Variants in STRN observed in about 807,000 individuals in gnomAD.
STRN encodes the protein striatin, also known as protein phosphatase 2 regulatory subunit B'''alpha.
STRN carries 53 observed loss-of-function variants against 96.3 expected under a neutral mutation model. That is an observed-to-expected ratio of 0.55 (90% confidence interval 0.44 to 0.69). The LOEUF (loss-of-function observed/expected upper bound fraction) is 0.69. STRN is among the 30% of genes least tolerant of loss of function. The pLI, the probability that STRN is intolerant of heterozygous loss-of-function variation, is 0.00. For missense variants in STRN, 987 were observed against 963.9 expected, an observed-to-expected ratio of 1.02 and a Z score of -0.32; for synonymous variants, 428 against 355.9, an observed-to-expected ratio of 1.20 and a Z score of -2.28.
In STRN at chr2:36,838,536, TTTC is replaced by T. The variant is rs1422547490; in HGVS notation, c.*10917_*10919del. Among the ~76,000 whole-genome samples, 1 of 152,224 alleles carries T rather than the reference TTTC, an allele frequency of 6.6e-6. No individual in the cohort carries two copies. The highest frequency in any genetic ancestry group is 1.5e-5 in the Non-Finnish European group (1 of 68,028). Reference sequence around the variant, plus strand: ...AAATCACTACATCCACCAGGATTTTTTTCTTTTTTCTACGTATTTTTTAATGTT... The same window carrying T: ...AAATCACTACATCCACCAGGATTTTTTTTTTTCTACGTATTTTTTAATGTT... On this transcript the variant is annotated 3_prime_UTR_variant, in exon 18 of 18. Coordinates refer to ENST00000263918, the MANE Select transcript of STRN (RefSeq NM_003162.4).
intron 12 of STRN, among the ~76,000 whole-genome samples, chr2:36,862,888 A>C (rs1668529019): frequency 6.6e-6 from 1 of 151,950 alleles, no homozygotes; most frequent in African/African-American, 2.4e-5. Flanking sequence ...GGCGCCCACC[A>C]CCACGCCCGT....
At chr2:36,897,292 G>A (rs1003451863) in intron 6 of STRN, among the ~76,000 whole-genome samples, 3 of 152,040 alleles carry the variant, frequency 2.0e-5, no homozygotes, top group African/African-American at 7.2e-5. Context: ...CTGCTACACA[G>A]AATTAGGTTG....
At chr2:36,889,407 A>G (rs1464027525) in intron 7 of STRN, among the ~76,000 whole-genome samples, 2 of 152,070 alleles carry the variant, frequency 1.3e-5, no homozygotes, top group African/African-American at 4.8e-5. Context: ...ACAATTAAAA[A>G]TGTTAATTTT....
intron 16 of STRN, among the ~76,000 whole-genome samples, chr2:36,850,362 T>C (rs1572619979): frequency 6.6e-6 from 1 of 152,304 alleles, no homozygotes; most frequent in African/African-American, 2.4e-5. Flanking sequence ...ATAGGGTGCT[T>C]TCCTCCCAGC....
intron 11 of STRN, 124 bp downstream of exon 11, chr2:36,869,430 A>G (rs777604719): frequency 6.0e-5 from 57 of 946,852 alleles, no homozygotes; most frequent in Non-Finnish European, 8.1e-5. Flanking sequence ...AATAAATTAC[A>G]TGACATGGAA....
chr2:36,912,880 TTCTGAC>T (rs1669998792), intron 3 of STRN, among the ~76,000 whole-genome samples: 1 of 152,230 alleles, frequency 6.6e-6, no homozygotes, highest in Non-Finnish European at 1.5e-5. Context: ...TGGGAGTCAC[TTCTGAC>T]TCATCCTTTT....
intron 10 of STRN, among the ~76,000 whole-genome samples, chr2:36,874,197 G>C (rs927240198): frequency 2.0e-5 from 3 of 151,602 alleles, no homozygotes; most frequent in East Asian, 1.9e-4. Flanking sequence ...TCGGTAGGCG[G>C]AGCTTGCAGT....
intron 9 of STRN, among the ~76,000 whole-genome samples, chr2:36,878,777 G>C (rs555419333): frequency 6.6e-6 from 1 of 151,736 alleles, no homozygotes; most frequent in East Asian, 1.9e-4. Flanking sequence ...TTCTGAGACA[G>C]AGTCTCGTTC....
chr2:36,939,769 G>A (rs1283423323), intron 1 of STRN, among the ~76,000 whole-genome samples: 2 of 152,066 alleles, frequency 1.3e-5, no homozygotes, highest in African/African-American at 2.4e-5. Flanking sequence ...AGCATTTGCT[G>A]AACAGAATAA....
chr2:36,883,962 G>A lies in STRN; in HGVS notation c.1156C>T (p.Pro386Ser). The change falls in exon 9 of 18, where the codon CCT (proline) becomes TCT (serine). Residue 386 changes from proline to serine, a missense_variant. Pro to Ser is a moderately conservative substitution (Grantham distance 74). Transcript: ENST00000263918. ...TCTGCCCTATTAATTTCATGTTCAGGAAGCCTGGAGCTGCTGGGTCTGGAA... is the reference window on the plus strand; with the variant it reads ...TCTGCCCTATTAATTTCATGTTCAGAAAGCCTGGAGCTGCTGGGTCTGGAA... ...SPSRPSSSRL[P>S]EHEINRADEV... The A allele has an allele frequency of 7.1e-7, 1 of 1,415,922 alleles. No individual in the cohort carries two copies. Among genetic ancestry groups the A allele is most frequent in the Non-Finnish European group, 9.3e-7 (1 of 1,079,964 alleles). The allele number at this position is 1,415,922 out of a possible 1,614,324, so 87.7% of individuals were successfully genotyped here.
chr2:36,893,976 G>C lies in STRN; in HGVS notation c.853C>G (p.Leu285Val). The change falls in exon 7 of 18, where the codon CTA becomes GTA. Residue 285 changes from leucine to valine, a missense_variant. Transcript: ENST00000263918. ...SGEDRDTKEA[L>V]KEFDFLVTSE... ...GTAACCAAGAAGTCAAACTCCTTTA[G>C]AGCTTCTTTTGTATCTCGATCTTCA... 4 of 1,613,348 alleles carry C rather than the reference G, an allele frequency of 2.5e-6. No homozygotes were observed. Among genetic ancestry groups the C allele is most frequent in the East Asian group, 2.2e-5 (1 of 44,788 alleles).
chr2:36,930,326 G>A (rs1206062809), intron 1 of STRN, among the ~76,000 whole-genome samples: 1 of 151,964 alleles, frequency 6.6e-6, no homozygotes, highest in African/African-American at 2.4e-5. Flanking sequence ...CAGCTACTCA[G>A]GAGGCTGAGA....
At chr2:36,856,140 G>C (rs2148130953) in intron 14 of STRN, among the ~76,000 whole-genome samples, 1 of 152,268 alleles carries the variant, frequency 6.6e-6, no homozygotes, top group East Asian at 1.9e-4. Flanking sequence ...CACCAGAATG[G>C]CTAAAGTTAA....
At chr2:36,878,168 G>C in intron 9 of STRN, 141 bp from the exon 10 acceptor site, 1 of 910,136 alleles carries the variant, frequency 1.1e-6, no homozygotes, top group Non-Finnish European at 1.6e-6. Context: ...AAAATTCAGT[G>C]AGCAGAAAAT....
intron 1 of STRN, among the ~76,000 whole-genome samples, chr2:36,926,127 C>T (rs1317500419): frequency 6.6e-6 from 1 of 152,148 alleles, no homozygotes; most frequent in African/African-American, 2.4e-5. Flanking sequence ...TCCTGCCCCC[C>T]ACCCCAAGGA....
At position 36,966,225 on chromosome 2, in the gene STRN, T is replaced by C. The variant is rs777992905; in HGVS notation, c.234+5A>G. The C allele has an allele frequency of 1.9e-6, 3 of 1,559,882 alleles. No homozygotes were observed. The East Asian group carries it at 7.7e-5, about 40-fold the overall frequency. On this transcript the variant is annotated splice_donor_5th_base_variant and intron_variant, in intron 1 of 17. Transcript: ENST00000263918. ...TGAAGACGGCCAGGCCGGGAGGGTC[T>C]TTACCTGCAGCTCCGCCCGCTCCAC...
intron 15 of STRN, among the ~76,000 whole-genome samples, chr2:36,853,034 G>C (rs1668258961): frequency 6.6e-6 from 1 of 152,214 alleles, no homozygotes; most frequent in Admixed American, 6.5e-5. Flanking sequence ...GCACACGCCT[G>C]TGGTCCCAGC....
At chr2:36,894,826 C>G (rs1370761627) in intron 6 of STRN, among the ~76,000 whole-genome samples, 2 of 152,122 alleles carry the variant, frequency 1.3e-5, no homozygotes. Flanking sequence ...AAGTAGACCC[C>G]AAAGATGACA....
rs139508179 is a variant in STRN, at chr2:36,878,516, T to C, written c.1187-489A>G. Among the ~76,000 whole-genome samples the C allele has an allele frequency of 1.7e-3, 262 of 152,256 alleles. 3 individuals carry two copies. Among genetic ancestry groups the C allele is most frequent in the African/African-American group, 5.9e-3 (247 of 41,552 alleles). On this transcript the variant is annotated intron_variant, in intron 9 of 17. Transcript: ENST00000263918. Reference sequence around the variant, plus strand: ...ATGTGACAAAATCTATATGTGGCGTTATAAGTCAGGATTACCTCTGCCGGC... The same window carrying C: ...ATGTGACAAAATCTATATGTGGCGTCATAAGTCAGGATTACCTCTGCCGGC...
Sources: gnomAD v4.1 joint callset for allele counts (sites outside exome capture counted in the v4.1 genomes callset) on GRCh38, gnomAD v4.1.1 for gene constraint, MANE v1.5 for transcripts, NCBI Gene and HGNC (gene_info 2026-07-23, HGNC 2026-07-21) for gene names.